IL12RB1: variants seen among roughly 807,000 people sequenced by gnomAD.
IL12RB1 encodes interleukin-12 receptor subunit beta-1.
In IL12RB1, 64 loss-of-function variants were observed where a neutral mutation model predicts 94.4. The ratio of observed to expected loss-of-function variants is 0.68; its 90% CI spans 0.55 to 0.83. The LOEUF (loss-of-function observed/expected upper bound fraction) is 0.83. Among genes scored for constraint, IL12RB1 ranks in the 40% least tolerant of loss-of-function variants. The probability of loss-of-function intolerance (pLI) is 0.00; values close to 1 mark genes in which losing one functional copy is unlikely to be tolerated. For synonymous variants in IL12RB1, 362 were observed against 355.5 expected, an observed-to-expected ratio of 1.02 and a Z score of -0.21; for missense variants, 814 against 855.6, an observed-to-expected ratio of 0.95 and a Z score of 0.61.
At chr19:18,084,918 C>G (rs2036223327) in intron 1 of IL12RB1, among the ~76,000 whole-genome samples, 2 of 152,178 alleles carry the variant, frequency 1.3e-5, no homozygotes, top group African/African-American at 4.8e-5. Flanking sequence ...GTGTCTGAAG[C>G]CAGCATGGGG....
At chr19:18,079,832 G>A (rs571571149) in intron 4 of IL12RB1, among the ~76,000 whole-genome samples, 5 of 151,936 alleles carry the variant, frequency 3.3e-5, no homozygotes, top group Non-Finnish European at 7.4e-5. Flanking sequence ...AGGAGGCAGA[G>A]CTTGCAGTGA....
At chr19:18,074,575 C>T (rs1419158637) in intron 7 of IL12RB1, among the ~76,000 whole-genome samples, 1 of 152,062 alleles carries the variant, frequency 6.6e-6, no homozygotes, top group East Asian at 1.9e-4. Flanking sequence ...TGGCGAAACC[C>T]CATCTCTACT....
chr19:18,088,408 T>TATATATATATATATATATATA (rs1555788630), upstream of IL12RB1, among the ~76,000 whole-genome samples: 4 of 145,630 alleles, frequency 2.7e-5, no homozygotes, highest in Admixed American at 1.4e-4. Flanking sequence ...TATATATAAA[T>TATATATATATATATATATATA]TAAAAGTTAG....
At chr19:18,089,603 T>G (rs1349765563), upstream of IL12RB1, among the ~76,000 whole-genome samples, 4 of 144,770 alleles carry the variant, frequency 2.8e-5, no homozygotes, top group Non-Finnish European at 3.0e-5. Flanking sequence ...CCCACCTGGG[T>G]GAGAGAGTGA....
At chr19:18,064,693 T>C (rs2034445992) in intron 12 of IL12RB1, among the ~76,000 whole-genome samples, 1 of 151,334 alleles carries the variant, frequency 6.6e-6, no homozygotes, top group Non-Finnish European at 1.5e-5. Flanking sequence ...AGGCTGGTCT[T>C]GAACTCCTGG....
At chr19:18,063,055 T>G (rs1434482048) in intron 13 of IL12RB1, among the ~76,000 whole-genome samples, 1 of 147,168 alleles carries the variant, frequency 6.8e-6, no homozygotes, top group Non-Finnish European at 1.5e-5. Context: ...CTTCTTCTTC[T>G]TTCTTCTCCT....
chr19:18,077,265 C>T (rs1316270509), intron 5 of IL12RB1, among the ~76,000 whole-genome samples: 2 of 151,600 alleles, frequency 1.3e-5, no homozygotes, highest in Non-Finnish European at 2.9e-5. Flanking sequence ...GGGAGGCTGA[C>T]GCAGGACAAT....
At chr19:18,093,377 TG>T in intron 1 of IL12RB1, among the ~76,000 whole-genome samples, 1 of 151,680 alleles carries the variant, frequency 6.6e-6, no homozygotes, top group Non-Finnish European at 1.5e-5. Flanking sequence ...TGTGTGTGTG[TG>T]TGTGTTAACC....
chr19:18,075,626 G>T, intron 7 of IL12RB1, 123 bp downstream of exon 7: 1 of 856,236 alleles, frequency 1.2e-6, no homozygotes, highest in Non-Finnish European at 2.0e-6. Flanking sequence ...CAAACCACTG[G>T]CCTCAAGTGA....
intron 12 of IL12RB1, among the ~76,000 whole-genome samples, chr19:18,064,955 C>A (rs1006967720): frequency 2.6e-5 from 4 of 152,174 alleles, no homozygotes; most frequent in African/African-American, 9.7e-5. Context: ...CGGAAATTAC[C>A]GCCCCTGTCC....
chr19:18,059,553 C>T lies in IL12RB1; in HGVS notation c.*55G>A, dbSNP rs561622044. Reference sequence around the variant, plus strand: ...GGTTATTTGGGTCCAAATGTGACTCCTGTGTGTGCTACGTAGCCTCGGGCG... The same window carrying T: ...GGTTATTTGGGTCCAAATGTGACTCTTGTGTGTGCTACGTAGCCTCGGGCG... On this transcript the variant is annotated 3_prime_UTR_variant, in exon 17 of 17. Coordinates refer to ENST00000593993, the MANE Select transcript of IL12RB1 (RefSeq NM_005535.3). The T allele has an allele frequency of 3.9e-6, 3 of 776,556 alleles. No homozygotes were observed. In the South Asian group the frequency reaches 4.1e-5, roughly 11 times the overall value. The allele number at this position is 776,556 out of a possible 1,614,324, so 48.1% of individuals were successfully genotyped here. A position where few individuals can be genotyped will look rare whatever the true frequency, so the allele number is the denominator to read the frequency against.
chr19:18,093,342 A>ATATATTTT, intron 1 of IL12RB1, among the ~76,000 whole-genome samples: 1 of 149,830 alleles, frequency 6.7e-6, no homozygotes, highest in South Asian at 2.1e-4. Context: ...ATATATATAT[A>ATATATTTT]TATATACTTG....
intron 15 of IL12RB1, among the ~76,000 whole-genome samples, chr19:18,060,589 T>C (rs1388128751): frequency 6.6e-6 from 1 of 152,100 alleles, no homozygotes; most frequent in Non-Finnish European, 1.5e-5. Context: ...TTTTCACAGA[T>C]GGTGTGGTTG....
rs1479760533 is a variant in IL12RB1 at position 18,080,990 on chromosome 19, C to T, written c.251G>A (p.Gly84Glu). 6.2e-7 allele frequency: 1 copy of T among 1,612,390 alleles called. No homozygotes were observed. The highest frequency in any genetic ancestry group is 2.2e-5 in the East Asian group (1 of 44,872). The change falls in exon 4 of 17, where the codon GGG becomes GAG. Residue 84 changes from glycine to glutamate, a missense_variant. Gly to Glu is a moderately conservative substitution (Grantham distance 98). Coordinates refer to ENST00000593993, the MANE Select transcript of IL12RB1 (RefSeq NM_005535.3). ...GCCGGCGGCGAAGTAGCAGCAGCGC[C>T]CGGAGCTAAGGCTGCAGCAGGAAGG... is the stretch of plus-strand genomic sequence containing the variant. ...SHFLRCCLSS[G>E]RCCYFAAGSA...
At chr19:18,091,939 C>T (rs1254799411), upstream of IL12RB1, among the ~76,000 whole-genome samples, 4 of 146,140 alleles carry the variant, frequency 2.7e-5, no homozygotes, top group African/African-American at 5.1e-5. Context: ...TGCAGTGGTG[C>T]GATTTCAGCT....
intron 11 of IL12RB1, among the ~76,000 whole-genome samples, chr19:18,067,104 A>C (rs1015828539): frequency 1.3e-5 from 2 of 151,226 alleles, no homozygotes; most frequent in Non-Finnish European, 2.9e-5. Context: ...TGGGTAGATC[A>C]CTTAAGGTCA....
At chr19:18,065,273 C>T (rs1278393974) in intron 12 of IL12RB1, among the ~76,000 whole-genome samples, 1 of 152,150 alleles carries the variant, frequency 6.6e-6, no homozygotes, top group Non-Finnish European at 1.5e-5. Context: ...CCCTCCAGGC[C>T]TTAGTTTCCT....
intron 3 of IL12RB1, 38 bp from the exon 4 acceptor site, chr19:18,081,039 G>T (rs1205435139): frequency 6.3e-7 from 1 of 1,592,888 alleles, no homozygotes; most frequent in Admixed American, 1.7e-5. Context: ...CGAGTCTGGG[G>T]TCCTAGTGGA....
chr19:18,069,601 C>G lies in IL12RB1; in HGVS notation c.1134G>C (p.Gly378=), dbSNP rs1599484849. ...CIEWQPVGQD[G]GLATCSLTAP... Reference sequence around the variant, plus strand: ...CAGTCAGGCTGCAGGTGGCAAGGCCCCCGTCCTGGCCCACAGGCTGCCATT... The same window carrying G: ...CAGTCAGGCTGCAGGTGGCAAGGCCGCCGTCCTGGCCCACAGGCTGCCATT... The change falls in exon 10 of 17, where the codon GGG becomes GGC. Residue 378 remains glycine (G), a synonymous_variant. Transcript: ENST00000593993. 1 of 1,612,776 alleles carries G rather than the reference C, an allele frequency of 6.2e-7. No individual in the cohort carries two copies. The highest frequency in any genetic ancestry group is 1.3e-5 in the African/African-American group (1 of 74,946).
Sources: gnomAD v4.1 joint callset for allele counts (sites outside exome capture counted in the v4.1 genomes callset) on GRCh38, gnomAD v4.1.1 for gene constraint, MANE v1.5 for transcripts, NCBI Gene and HGNC (gene_info 2026-07-23, HGNC 2026-07-21) for gene names.